The following TIAM1 variants were observed in gnomAD, a reference collection of about 807,000 sequenced individuals.
TIAM1 encodes rho guanine nucleotide exchange factor TIAM1.
Under a neutral mutation model 163.5 loss-of-function variants are expected in TIAM1, and 65 were observed. That is an observed-to-expected ratio of 0.40 (90% CI 0.33 to 0.49). The LOEUF (loss-of-function observed/expected upper bound fraction) is 0.49. TIAM1 is among the 20% of genes least tolerant of loss of function. The probability of loss-of-function intolerance (pLI) is 0.77; values close to 1 mark genes in which losing one functional copy is unlikely to be tolerated. For missense variants in TIAM1, 1,789 were observed against 2,044.7 expected (o/e 0.87, Z 2.41); for synonymous variants, 833 against 810.1 (o/e 1.03, Z -0.48).
chr21:31,482,838 G>A (rs959617721), intron 1 of TIAM1, among the ~76,000 whole-genome samples: 2 of 152,196 alleles, frequency 1.3e-5, no homozygotes, highest in Non-Finnish European at 2.9e-5. Context: ...CCAGAGCAAT[G>A]TAAGGACTGT....
intron 1 of TIAM1, among the ~76,000 whole-genome samples, chr21:31,524,915 GA>G (rs1175636185): frequency 6.6e-6 from 1 of 152,028 alleles, no homozygotes; most frequent in East Asian, 1.9e-4. Flanking sequence ...TAATTACAAA[GA>G]AAAGGGGTCT....
chr21:31,544,943 G>A (rs927637834), intron 1 of TIAM1, among the ~76,000 whole-genome samples: 5 of 152,088 alleles, frequency 3.3e-5, no homozygotes, highest in Non-Finnish European at 7.4e-5. Flanking sequence ...AACCCGGGAG[G>A]CGGAGCTTGC....
chr21:31,149,762 G>T (rs769846232), intron 19 of TIAM1, among the ~76,000 whole-genome samples: 6 of 152,000 alleles, frequency 3.9e-5, no homozygotes, highest in Non-Finnish European at 5.9e-5. Flanking sequence ...CTAACTACCA[G>T]GCCACATTAT....
At chr21:31,210,735 GAAGGAAGGAAGGGA>G (rs2086803985) in intron 10 of TIAM1, among the ~76,000 whole-genome samples, 20 of 96,410 alleles carry the variant, frequency 2.1e-4, no homozygotes, top group African/African-American at 1.2e-3. Context: ...GAAAGAGAAA[GAAGGAAGGAAGGGA>G]GAAAGAAAGA....
At chr21:31,532,711 A>G (rs2048009520) in intron 1 of TIAM1, among the ~76,000 whole-genome samples, 1 of 152,166 alleles carries the variant, frequency 6.6e-6, no homozygotes, top group Non-Finnish European at 1.5e-5. Context: ...GAAGGGGCCC[A>G]TTAAAATTAA....
chr21:31,354,536 T>C (rs1438728447), intron 2 of TIAM1, among the ~76,000 whole-genome samples: 1 of 152,130 alleles, frequency 6.6e-6, no homozygotes, highest in Non-Finnish European at 1.5e-5. Flanking sequence ...TGGTGGATAT[T>C]TTACACTGAC....
chr21:31,432,091 C>CTTTTT lies in TIAM1; in HGVS notation c.-369+31887_-369+31891dup, dbSNP rs11291911. Among the ~76,000 whole-genome samples the CTTTTT allele has an allele frequency of 1.2e-3, 111 of 93,662 alleles. 7 individuals carry two copies. Among genetic ancestry groups the CTTTTT allele is most frequent in the African/African-American group, 4.1e-3 (90 of 21,778 alleles). 61.4% of individuals were successfully genotyped at this position (93,662 alleles called of 152,430 possible). On this transcript the variant is annotated intron_variant, in intron 2 of 28. Coordinates refer to the TIAM1 transcript ENST00000286827. ...TGAACATGTCAAAAATCTAAGATTCCTTTTTTTTTTTTTTTTTTTTTTTTT... is the reference window on the plus strand; with the variant it reads ...TGAACATGTCAAAAATCTAAGATTCCTTTTTTTTTTTTTTTTTTTTTTTTTTTTTT...
chr21:31,393,109 C>A (rs951373188), intron 2 of TIAM1, among the ~76,000 whole-genome samples: 57 of 152,070 alleles, frequency 3.7e-4, no homozygotes, highest in African/African-American at 1.4e-3. Flanking sequence ...GTGCCCACCA[C>A]CATGTCCGGC....
chr21:31,203,109 T>C (rs567923248), intron 11 of TIAM1, 97 bp from the exon 12 acceptor site: 87 of 1,013,704 alleles, frequency 8.6e-5, no homozygotes, highest in African/African-American at 3.5e-4. Context: ...CTATGACCAA[T>C]AGAGTTTGTT....
rs184796164 is a variant in TIAM1 at position 31,354,485 on chromosome 21, G to A, written c.-368-15063C>T. Among the ~76,000 whole-genome samples the A allele has an allele frequency of 1.8e-3, 274 of 151,934 alleles. 2 individuals are homozygous for A. The highest frequency in any genetic ancestry group is 1.4e-3 in the Non-Finnish European group (98 of 67,948). On this transcript the variant is annotated intron_variant, in intron 2 of 28. Coordinates refer to the TIAM1 transcript ENST00000286827. ...CCCCCCCTCCACACCCCCACCACAC[G>A]AAGAGGCAAGTTCAAACTCTGGACT...
intron 2 of TIAM1, among the ~76,000 whole-genome samples, chr21:31,377,973 C>A (rs927968409): frequency 2.0e-5 from 3 of 151,720 alleles, no homozygotes; most frequent in African/African-American, 4.8e-5. Context: ...CCCGTCTCTA[C>A]TAAAAATACA....
At chr21:31,518,843 T>G (rs955620903) in intron 1 of TIAM1, among the ~76,000 whole-genome samples, 5 of 152,194 alleles carry the variant, frequency 3.3e-5, no homozygotes, top group African/African-American at 1.2e-4. Flanking sequence ...CTTTCTGGCC[T>G]TTAGGGATAG....
chr21:31,279,364 T>A (rs939429734), intron 2 of TIAM1, among the ~76,000 whole-genome samples: 1 of 152,188 alleles, frequency 6.6e-6, no homozygotes, highest in African/African-American at 2.4e-5. Flanking sequence ...CCATTTCCCT[T>A]ACAGCAGGTT....
chr21:31,141,256 G>A lies in TIAM1; in HGVS notation c.3656-20C>T. On this transcript the variant is annotated intron_variant, in intron 21 of 27. Transcript: ENST00000541036. This position sits in a 1 kb window ranked among gnomAD's most constrained non-coding sequence, Gnocchi z 4.7. ...TGGCCACTGGAAGAAAACAGGTTGTGAAATGAGAGGCTATTTAGAGACCCT... is the reference window on the plus strand; with the variant it reads ...TGGCCACTGGAAGAAAACAGGTTGTAAAATGAGAGGCTATTTAGAGACCCT... 2.5e-6 allele frequency: 4 copies of A among 1,613,944 alleles called. No homozygotes were observed. The highest frequency in any genetic ancestry group is 1.1e-5 in the South Asian group (1 of 91,020).
chr21:31,308,969 T>C (rs1366235244), intron 2 of TIAM1, among the ~76,000 whole-genome samples: 4 of 151,968 alleles, frequency 2.6e-5, no homozygotes, highest in South Asian at 2.1e-4. Context: ...GAAGCAACTA[T>C]AGGAAGCAAA....
At chr21:31,274,313 C>A (rs1454493343) in intron 3 of TIAM1, among the ~76,000 whole-genome samples, 3 of 152,156 alleles carry the variant, frequency 2.0e-5, no homozygotes, top group Admixed American at 1.3e-4. Context: ...CATTTTTAAA[C>A]CACCTGTACT....
intron 2 of TIAM1, among the ~76,000 whole-genome samples, chr21:31,389,507 G>A (rs994879179): frequency 6.6e-6 from 1 of 152,134 alleles, no homozygotes; most frequent in African/African-American, 2.4e-5. Context: ...CCGCCCCCAG[G>A]CTTCCCAACC....
At chr21:31,300,181 C>T (rs903808075) in intron 2 of TIAM1, among the ~76,000 whole-genome samples, 2 of 152,122 alleles carry the variant, frequency 1.3e-5, no homozygotes, top group Non-Finnish European at 2.9e-5. Flanking sequence ...CCTCCCCACT[C>T]GGTATCTTGC....
intron 6 of TIAM1, among the ~76,000 whole-genome samples, chr21:31,242,864 AAAAAAAAAAAAAAAAG>A (rs2071262598): frequency 7.0e-6 from 1 of 142,006 alleles, no homozygotes; most frequent in African/African-American, 2.9e-5. Context: ...CTGTCTCAAA[AAAAAAAAAAAAAAAAG>A]AAAAAAGAAA....
Sources: gnomAD v4.1 joint callset for allele counts (sites outside exome capture counted in the v4.1 genomes callset) on GRCh38, gnomAD v4.1.1 for gene constraint, Gnocchi (gnomAD v3.1) non-coding constraint, MANE v1.5 for transcripts, NCBI Gene and HGNC (gene_info 2026-07-23, HGNC 2026-07-21) for gene names.